RALGAPA2: variants seen among roughly 807,000 people sequenced by gnomAD.
RALGAPA2 encodes Ral GTPase activating protein catalytic subunit alpha 2, also known as ral GTPase-activating protein subunit alpha-2.
Under a neutral mutation model 230.4 loss-of-function variants are expected in RALGAPA2, and 139 were observed. The ratio of observed to expected loss-of-function variants is 0.60; its 90% confidence interval spans 0.53 to 0.69. RALGAPA2 has a LOEUF of 0.69. RALGAPA2 is among the 30% of genes least tolerant of loss of function. The pLI is 0.00. For synonymous variants in RALGAPA2, 847 were observed against 837.8 expected, an observed-to-expected ratio of 1.01 and a Z score of -0.19; for missense variants, 2,163 against 2,276.0, an observed-to-expected ratio of 0.95 and a Z score of 1.01.
rs2063150359 is a variant in RALGAPA2 at position 20,524,779 on chromosome 20, T to C, written c.3762+51A>G. 2.1e-6 allele frequency: 3 copies of C among 1,435,952 alleles called. No individual in the cohort carries two copies. In the East Asian group the frequency reaches 7.3e-5, roughly 35 times the overall value. 89.0% of individuals were successfully genotyped at this position (1,435,952 alleles called of 1,614,324 possible). A position where few individuals can be genotyped will look rare whatever the true frequency, so the allele number is the denominator to read the frequency against. ...TGTAACATTATTTATCATTTTACCT[T>C]ACATTAAAATAAAAAAACTATAGGA... On this transcript the variant is annotated intron_variant, in intron 29 of 39. Coordinates refer to ENST00000202677, the MANE Select transcript of RALGAPA2 (RefSeq NM_020343.4).
At chr20:20,396,512 G>C (rs2059720551) in intron 39 of RALGAPA2, among the ~76,000 whole-genome samples, 183 bp downstream of exon 39, 1 of 152,258 alleles carries the variant, frequency 6.6e-6, no homozygotes, top group Non-Finnish European at 1.5e-5. Context: ...GCAAGGCTGG[G>C]CTTCCCCGGG....
At chr20:20,678,926 C>G (rs1411705068) in intron 2 of RALGAPA2, among the ~76,000 whole-genome samples, 1 of 152,136 alleles carries the variant, frequency 6.6e-6, no homozygotes, top group African/African-American at 2.4e-5. Context: ...ACTCTACATG[C>G]CTTCAATTCT....
rs757882227 is a variant in RALGAPA2 at position 20,590,204 on chromosome 20, T to G, written c.2342-839A>C. Among the ~76,000 whole-genome samples the G allele has an allele frequency of 9.9e-5, 15 of 152,110 alleles. 1 individual carries two copies. Among genetic ancestry groups the G allele is most frequent in the Non-Finnish European group, 2.1e-4 (14 of 67,998 alleles). On this transcript the variant is annotated intron_variant, in intron 17 of 39. Transcript: ENST00000202677. Reference sequence around the variant, plus strand: ...GTCACCATACTGTACAACACATTTCTTGAACTTATTCCTCCTCCATAAGTG... The same window carrying G: ...GTCACCATACTGTACAACACATTTCGTGAACTTATTCCTCCTCCATAAGTG...
intron 3 of RALGAPA2, among the ~76,000 whole-genome samples, chr20:20,670,969 A>T (rs1002727008): frequency 3.3e-5 from 5 of 151,580 alleles, no homozygotes; most frequent in African/African-American, 7.3e-5. Flanking sequence ...AAAAAAAAAA[A>T]ATATGATAAA....
intron 1 of RALGAPA2, among the ~76,000 whole-genome samples, chr20:20,686,963 C>A (rs1171864816): frequency 4.6e-5 from 7 of 152,124 alleles, no homozygotes; most frequent in Non-Finnish European, 7.4e-5. Context: ...TAGGGAATGA[C>A]CCCCCTGCAC....
chr20:20,413,096 C>T (rs573876010), intron 37 of RALGAPA2, among the ~76,000 whole-genome samples: 2 of 152,312 alleles, frequency 1.3e-5, no homozygotes, highest in African/African-American at 2.4e-5. Flanking sequence ...ATTATCAATG[C>T]AAAAGTTAAA....
At chr20:20,442,711 C>T (rs2060764134) in intron 37 of RALGAPA2, among the ~76,000 whole-genome samples, 3 of 152,174 alleles carry the variant, frequency 2.0e-5, no homozygotes, top group Admixed American at 1.3e-4. Context: ...AACAAGGCTC[C>T]AGCACAAAGG....
chr20:20,627,743 G>T, intron 10 of RALGAPA2, among the ~76,000 whole-genome samples: 1 of 152,224 alleles, frequency 6.6e-6, no homozygotes, highest in Non-Finnish European at 1.5e-5. Flanking sequence ...CCGGCTCCTG[G>T]TGTGGTATAT....
chr20:20,661,190 G>A (rs1040965078), intron 3 of RALGAPA2, among the ~76,000 whole-genome samples: 1 of 151,976 alleles, frequency 6.6e-6, no homozygotes, highest in Non-Finnish European at 1.5e-5. Context: ...ACAGAGCCTC[G>A]CTCTGTTTCC....
chr20:20,691,803 T>A (rs1300269440), intron 1 of RALGAPA2, among the ~76,000 whole-genome samples: 1 of 152,216 alleles, frequency 6.6e-6, no homozygotes, highest in Non-Finnish European at 1.5e-5. Context: ...TTCCAAGTGA[T>A]ATAGTTTGGA....
chr20:20,650,389 C>T (rs113706565), intron 4 of RALGAPA2, among the ~76,000 whole-genome samples: 1,691 of 152,210 alleles, frequency 0.011, 29 homozygotes, highest in African/African-American at 0.039. Flanking sequence ...ATGTGGCTTT[C>T]GAGACTCATA....
At chr20:20,542,755 TAAC>T in intron 24 of RALGAPA2, among the ~76,000 whole-genome samples, 2 of 152,058 alleles carry the variant, frequency 1.3e-5, no homozygotes, top group South Asian at 4.2e-4. Flanking sequence ...ATACAAAAAT[TAAC>T]TCAAGACATA....
rs1231576670 is a variant in RALGAPA2 at position 20,570,638 on chromosome 20, A to AT, written c.3156+819dup. ...CAATGCTACCGGCTTAGTTCTTATCATTTTTTTAAAATCTGTATTAAACAC... is the reference window on the plus strand; with the variant it reads ...CAATGCTACCGGCTTAGTTCTTATCATTTTTTTTAAAATCTGTATTAAACAC... On this transcript the variant is annotated intron_variant, in intron 23 of 39. Coordinates refer to ENST00000202677, the MANE Select transcript of RALGAPA2 (RefSeq NM_020343.4). 3.3e-5 allele frequency among the ~76,000 whole-genome samples: 5 copies of AT among 152,172 alleles called. No individual in the cohort carries two copies. In the East Asian group the frequency reaches 9.6e-4, roughly 29 times the overall value.
At chr20:20,633,034 T>C (rs1046172257) in intron 9 of RALGAPA2, among the ~76,000 whole-genome samples, 7 of 151,800 alleles carry the variant, frequency 4.6e-5, no homozygotes, top group Non-Finnish European at 1.0e-4. Context: ...TCTTTCTTTC[T>C]TTCTTTTTCT....
At chr20:20,678,369 C>T (rs2068408571) in intron 2 of RALGAPA2, among the ~76,000 whole-genome samples, 1 of 152,150 alleles carries the variant, frequency 6.6e-6, no homozygotes, top group Non-Finnish European at 1.5e-5. Flanking sequence ...AGAATGGCCA[C>T]AATCAAAGAC....
intron 35 of RALGAPA2, among the ~76,000 whole-genome samples, chr20:20,499,650 C>T (rs1246699659): frequency 6.6e-6 from 1 of 152,156 alleles, no homozygotes; most frequent in Non-Finnish European, 1.5e-5. Context: ...GGAACCAGCA[C>T]GTGGTCAGCG....
At chr20:20,666,780 G>A (rs1192280194) in intron 3 of RALGAPA2, among the ~76,000 whole-genome samples, 1 of 152,194 alleles carries the variant, frequency 6.6e-6, no homozygotes, top group Non-Finnish European at 1.5e-5. Flanking sequence ...CACCGAGCCT[G>A]AATCTGTTGA....
chr20:20,458,774 C>CTATATATATATATAGACCTA (rs201840547), intron 37 of RALGAPA2, among the ~76,000 whole-genome samples: 11 of 10,970 alleles, frequency 1.0e-3, no homozygotes, highest in African/African-American at 3.8e-3. Flanking sequence ...ATATATAGAC[C>CTATATATATATATAGACCTA]TATATATATA....
chr20:20,616,691 A>C (rs1170557240), intron 12 of RALGAPA2, among the ~76,000 whole-genome samples: 1 of 152,206 alleles, frequency 6.6e-6, no homozygotes, highest in East Asian at 1.9e-4. Flanking sequence ...AGCACCACTC[A>C]ACAGGGGTCA....
Sources: allele counts gnomAD v4.1 joint callset (sites outside exome capture counted in the v4.1 genomes callset), GRCh38; gene constraint gnomAD v4.1.1; transcripts MANE v1.5; gene names NCBI Gene and HGNC (gene_info 2026-07-23, HGNC 2026-07-21).